Variants in C8orf88 observed in about 807,000 individuals in gnomAD.
The protein encoded by C8orf88 is chromosome 8 open reading frame 88, also known as uncharacterized protein C8orf88.
Under a neutral mutation model 18.4 loss-of-function variants are expected in C8orf88, and 14 were observed. The ratio of observed to expected loss-of-function variants is 0.76; its 90% CI spans 0.50 to 1.19. The LOEUF is 1.19. Ranked by LOEUF, C8orf88 falls within the 50% of genes most tolerant of loss-of-function variation. C8orf88 has a pLI of 0.00. For missense variants in C8orf88, 116 were observed against 134.7 expected, an observed-to-expected ratio of 0.86 and a Z score of 0.69; for synonymous variants, 45 against 42.9, an observed-to-expected ratio of 1.05 and a Z score of -0.19.
intron 4 of C8orf88, among the ~76,000 whole-genome samples, chr8:90,968,548 C>T (rs73299910): frequency 0.033 from 4,879 of 149,920 alleles, 250 homozygotes; most frequent in African/African-American, 0.11. Flanking sequence ...ACCAAAAACA[C>T]GAGCAACAAA....
intron 3 of C8orf88, 96 bp from the exon 4 acceptor site, chr8:90,971,237 C>T: frequency 5.2e-6 from 3 of 571,586 alleles, no homozygotes; most frequent in Non-Finnish European, 8.7e-6. Flanking sequence ...ATAATAAATG[C>T]ATTTAGTAGG....
At chr8:90,977,399 G>T (rs2339293) in intron 3 of C8orf88, among the ~76,000 whole-genome samples, 2,293 of 152,188 alleles carry the variant, frequency 0.015, 45 homozygotes, top group African/African-American at 0.052. Context: ...CTAACTTTAT[G>T]CCACAGAAAA....
At chr8:90,985,245 G>T (rs1484868955), upstream of C8orf88, 4 of 140,396 alleles carry the variant, frequency 2.8e-5, 1 homozygote, top group South Asian at 3.9e-4. Context: ...CGGTGGCGGC[G>T]GCGGGGGGCG....
chr8:90,973,960 G>GA (rs1229901840), intron 3 of C8orf88, among the ~76,000 whole-genome samples: 2 of 151,216 alleles, frequency 1.3e-5, no homozygotes, highest in Non-Finnish European at 2.9e-5. Context: ...AGGTAAACAG[G>GA]AAAAAAAATT....
At chr8:90,971,015 T>C (rs1811273858) in intron 4 of C8orf88, 51 bp downstream of exon 4, 1 of 1,060,266 alleles carries the variant, frequency 9.4e-7, no homozygotes, top group Non-Finnish European at 1.3e-6. Context: ...TAACTTTATA[T>C]GAATGCTAAG....
intron 4 of C8orf88, among the ~76,000 whole-genome samples, chr8:90,965,880 A>C (rs73299905): frequency 8.6e-5 from 13 of 151,902 alleles, no homozygotes; most frequent in African/African-American, 2.9e-4. Flanking sequence ...CAGCAAAAAC[A>C]GTGTTCAGAT....
intron 4 of C8orf88, among the ~76,000 whole-genome samples, chr8:90,966,704 T>C (rs1811204847): frequency 6.6e-6 from 1 of 151,868 alleles, no homozygotes; most frequent in Non-Finnish European, 1.5e-5. Context: ...GTTGAATTTA[T>C]TTTTATTAGC....
intron 3 of C8orf88, among the ~76,000 whole-genome samples, chr8:90,977,297 G>T: frequency 6.6e-6 from 1 of 152,276 alleles, no homozygotes; most frequent in South Asian, 2.1e-4. Flanking sequence ...TGAGGACATA[G>T]ACAAATCAGA....
Position 90,978,649 on chromosome 8 carries a change from G to A in C8orf88, c.77C>T (p.Ala26Val), listed in dbSNP as rs1173536954. Residue 26 changes from alanine to valine, a missense_variant, in exon 3 of 6, where the codon GCA (alanine) becomes GTA (valine). Transcript: ENST00000517562. The part of the protein sequence containing the change: ...PVRHLTSPPG[A>V]VFPFNFQNEY... Reference sequence around the variant, plus strand: ...GTTTTGAAAGTTGAAAGGGAACACTGCTCCTGTTAGGAGAGGAAGAAAACA... The same window carrying A: ...GTTTTGAAAGTTGAAAGGGAACACTACTCCTGTTAGGAGAGGAAGAAAACA... The A allele has an allele frequency of 4.6e-6, 7 of 1,516,142 alleles. No homozygotes were observed. Among genetic ancestry groups the A allele is most frequent in the Non-Finnish European group, 5.3e-6 (6 of 1,133,834 alleles). 93.9% of individuals were successfully genotyped at this position (1,516,142 alleles called of 1,614,324 possible).
At chr8:90,976,749 T>A (rs772991597) in intron 3 of C8orf88, among the ~76,000 whole-genome samples, 18 of 152,060 alleles carry the variant, frequency 1.2e-4, no homozygotes, top group Non-Finnish European at 2.4e-4. Context: ...TGCTTTACAA[T>A]CAGTTGCTTA....
intron 3 of C8orf88, among the ~76,000 whole-genome samples, chr8:90,975,294 T>C (rs765130389): frequency 6.6e-6 from 1 of 152,116 alleles, no homozygotes; most frequent in African/African-American, 2.4e-5. Context: ...AAAGCTACAG[T>C]AGACTATAAA....
chr8:90,975,103 T>A (rs746539191), intron 3 of C8orf88, among the ~76,000 whole-genome samples: 1 of 152,166 alleles, frequency 6.6e-6, no homozygotes, highest in Non-Finnish European at 1.5e-5. Flanking sequence ...TGTTAATAGA[T>A]CATAAGATGT....
At chr8:90,960,490 G>C (rs527273588) in intron 5 of C8orf88, among the ~76,000 whole-genome samples, 1 of 151,384 alleles carries the variant, frequency 6.6e-6, no homozygotes, top group South Asian at 2.1e-4. Context: ...AAAACTTTTA[G>C]AGTATGGGAT....
chr8:90,959,090 GT>G, intron 5 of C8orf88, 60 bp from the exon 6 acceptor site: 1 of 800,150 alleles, frequency 1.2e-6, no homozygotes, highest in Non-Finnish European at 1.9e-6. Context: ...TTACTAATTA[GT>G]TTATCAAACC....
At chr8:90,983,329 A>G (rs960278173) in intron 1 of C8orf88, among the ~76,000 whole-genome samples, 1 of 152,164 alleles carries the variant, frequency 6.6e-6, no homozygotes, top group Non-Finnish European at 1.5e-5. Context: ...GTTGCTGAAT[A>G]GTTTTTTTCA....
rs1028065025 is a variant in C8orf88, at chr8:90,978,561, A to G, written c.147+18T>C. On this transcript the variant is annotated intron_variant, in intron 3 of 5. Coordinates refer to ENST00000517562, the MANE Select transcript of C8orf88 (RefSeq NM_001190972.2). ...CCAATCTATAATATTTCCTTCTGTT[A>G]TAATTTCTAAGACTTACTCTGCTAA... 2 of 1,468,388 alleles carry G rather than the reference A, an allele frequency of 1.4e-6. No individual in the cohort carries two copies. Among genetic ancestry groups the G allele is most frequent in the Non-Finnish European group, 1.8e-6 (2 of 1,095,144 alleles). The allele number at this position is 1,468,388 out of a possible 1,614,324, so 91.0% of individuals were successfully genotyped here. A position where few individuals can be genotyped will look rare whatever the true frequency, so the allele number is the denominator to read the frequency against.
rs182107470 is a variant in C8orf88 at position 90,978,624 on chromosome 8, G to A, written c.102C>T (p.Asn34=). 3,463 of 1,528,804 alleles carry A rather than the reference G, an allele frequency of 2.3e-3. 11 individuals carry two copies. The highest frequency in any genetic ancestry group is 2.8e-3 in the Non-Finnish European group (3,180 of 1,142,806). The allele number at this position is 1,528,804 out of a possible 1,614,324, so 94.7% of individuals were successfully genotyped here. ...TGCACTGAGTGTTGCATGGATATTC[G>A]TTTTGAAAGTTGAAAGGGAACACTG... ...PGAVFPFNFQ[N]EYPCNTQCIQ... is the part of the protein sequence containing the mutation. Residue 34 remains asparagine, a synonymous_variant, in exon 3 of 6, where the codon AAC becomes AAT. Transcript: ENST00000517562.
In C8orf88 at chr8:90,980,472, A is replaced by G; in HGVS notation, c.-26-11T>C. The stretch of plus-strand genomic sequence containing the variant: ...CTTTGAGGTTCCATACTAGAAGACA[A>G]AAAAATACATTTTTATCTTTTGGAC... On this transcript the variant is annotated splice_polypyrimidine_tract_variant and intron_variant, in intron 1 of 5. Coordinates refer to ENST00000517562, the MANE Select transcript of C8orf88 (RefSeq NM_001190972.2). 2.5e-6 allele frequency: 3 copies of G among 1,207,452 alleles called. No individual in the cohort carries two copies. Among genetic ancestry groups the G allele is most frequent in the Non-Finnish European group, 3.5e-6 (3 of 868,044 alleles). 74.8% of individuals were successfully genotyped at this position (1,207,452 alleles called of 1,614,324 possible). A position where few individuals can be genotyped will look rare whatever the true frequency, so the allele number is the denominator to read the frequency against.
intron 4 of C8orf88, among the ~76,000 whole-genome samples, chr8:90,962,198 T>C (rs1307914135): frequency 2.0e-5 from 3 of 151,618 alleles, no homozygotes; most frequent in Non-Finnish European, 4.4e-5. Context: ...TGGAACATTC[T>C]ACGTAGCCAA....
Sources: allele counts gnomAD v4.1 joint callset (sites outside exome capture counted in the v4.1 genomes callset), GRCh38; gene constraint gnomAD v4.1.1; transcripts MANE v1.5; gene names NCBI Gene and HGNC (gene_info 2026-07-23, HGNC 2026-07-21).